FYN: variants seen among roughly 807,000 people sequenced by gnomAD.
The protein encoded by FYN is FYN proto-oncogene, Src family tyrosine kinase, also known as tyrosine-protein kinase Fyn.
Under a neutral mutation model 70.2 loss-of-function variants are expected in FYN, and 10 were observed. The observed-to-expected ratio is 0.14, with a 90% confidence interval of 0.09 to 0.24. FYN has a LOEUF of 0.24. Among genes scored for constraint, FYN ranks in the 10% least tolerant of loss-of-function variants. The probability of loss-of-function intolerance (pLI) is 1.00; values close to 1 mark genes in which losing one functional copy is unlikely to be tolerated. For missense variants in FYN, 319 were observed against 673.1 expected, an observed-to-expected ratio of 0.47 and a Z score of 5.82; for synonymous variants, 236 against 248.6, an observed-to-expected ratio of 0.95 and a Z score of 0.48.
chr6:111,814,962 G>A (rs1402865807), intron 2 of FYN, among the ~76,000 whole-genome samples: 1 of 152,174 alleles, frequency 6.6e-6, no homozygotes, highest in Non-Finnish European at 1.5e-5. Flanking sequence ...GTAAGCTGGT[G>A]AATTCACAGT....
intron 10 of FYN, among the ~76,000 whole-genome samples, chr6:111,695,993 A>C (rs907303434): frequency 6.6e-6 from 1 of 152,244 alleles, no homozygotes; most frequent in African/African-American, 2.4e-5. Flanking sequence ...TACCACCCTG[A>C]TATTAAAAAT....
At chr6:111,676,327 C>T (rs1372850283) in intron 12 of FYN, 2 of 152,130 alleles carry the variant, frequency 1.3e-5, no homozygotes, top group African/African-American at 4.8e-5. Flanking sequence ...AACACTGGAG[C>T]AGAAAAGTTA....
intron 13 of FYN, among the ~76,000 whole-genome samples, chr6:111,666,590 C>T (rs894881902): frequency 6.6e-6 from 1 of 152,134 alleles, no homozygotes; most frequent in Non-Finnish European, 1.5e-5. Context: ...TCCAGCACTT[C>T]GGGAAGCTGA....
At chr6:111,841,113 G>C (rs111388038) in intron 2 of FYN, among the ~76,000 whole-genome samples, 9 of 152,202 alleles carry the variant, frequency 5.9e-5, no homozygotes, top group African/African-American at 2.2e-4. Context: ...CCCCAAGTCT[G>C]GGAACCAGCA....
At chr6:111,691,667 T>G (rs1329884214) in intron 12 of FYN, among the ~76,000 whole-genome samples, 1 of 152,122 alleles carries the variant, frequency 6.6e-6, no homozygotes, top group African/African-American at 2.4e-5. Context: ...GTTGTCCCAG[T>G]GCTGGAAAAG....
chr6:111,776,201 AC>A (rs1302877671), intron 3 of FYN, among the ~76,000 whole-genome samples: 1 of 152,136 alleles, frequency 6.6e-6, no homozygotes, highest in African/African-American at 2.4e-5. Context: ...GCAGATACCT[AC>A]CCTGGGTCAC....
chr6:111,871,763 G>T (rs1774281249), intron 1 of FYN, among the ~76,000 whole-genome samples: 1 of 152,222 alleles, frequency 6.6e-6, no homozygotes, highest in Non-Finnish European at 1.5e-5. Context: ...ACGAGGGGAT[G>T]GGGAGGCTAC....
In FYN at chr6:111,694,658, T is replaced by C. The variant is rs746940763; in HGVS notation, c.1089A>G (p.Lys363=). Residue 363 remains lysine, a synonymous_variant, in exon 11 of 14, where the codon AAA becomes AAG. Transcript: ENST00000354650. This position sits in a 1 kb window ranked among gnomAD's most constrained non-coding sequence, Gnocchi z 5.0. ...CTGCCATGTCCACAAGATTTGGTAA[T>C]TTCAGAGCTCTTCCTTCTCCATCTT... ...FLKDGEGRAL[K]LPNLVDMAAQ... is the part of the protein sequence containing the mutation. 7 of 1,614,066 alleles carry C rather than the reference T, an allele frequency of 4.3e-6. No homozygotes were observed. The South Asian group carries it at 7.7e-5, about 18-fold the overall frequency.
At chr6:111,701,867 T>C (rs1799855321) in intron 8 of FYN, among the ~76,000 whole-genome samples, 1 of 152,230 alleles carries the variant, frequency 6.6e-6, no homozygotes, top group Admixed American at 6.5e-5. Context: ...GCAAGTGCTG[T>C]TAATATTTTC....
chr6:111,745,675 G>A (rs1802176569), intron 3 of FYN, among the ~76,000 whole-genome samples: 1 of 152,218 alleles, frequency 6.6e-6, no homozygotes, highest in Admixed American at 6.5e-5. Context: ...CAGAAACAGT[G>A]CTTAACAACA....
intron 3 of FYN, among the ~76,000 whole-genome samples, chr6:111,765,378 G>T (rs1045894101): frequency 3.9e-5 from 6 of 152,106 alleles, no homozygotes; most frequent in Admixed American, 2.0e-4. Context: ...AGACAGCAGG[G>T]GAACTTGCAG....
At chr6:111,861,923 C>G (rs1773975656) in intron 1 of FYN, among the ~76,000 whole-genome samples, 1 of 152,172 alleles carries the variant, frequency 6.6e-6, no homozygotes, top group African/African-American at 2.4e-5. Context: ...GGGACAGAAC[C>G]CTCTTCCTAT....
At chr6:111,687,442 A>G (rs567746350) in intron 12 of FYN, among the ~76,000 whole-genome samples, 2 of 152,164 alleles carry the variant, frequency 1.3e-5, no homozygotes, top group Non-Finnish European at 2.9e-5. Flanking sequence ...CATTTGTTTC[A>G]TTAATTTTGA....
chr6:111,807,079 G>A (rs181052802), intron 2 of FYN, among the ~76,000 whole-genome samples: 2 of 152,204 alleles, frequency 1.3e-5, no homozygotes, highest in Admixed American at 1.3e-4. Flanking sequence ...GCTGCGCTGT[G>A]TGTGACAGGG....
intron 2 of FYN, among the ~76,000 whole-genome samples, chr6:111,781,343 C>T (rs1246040819): frequency 6.6e-6 from 1 of 152,160 alleles, no homozygotes; most frequent in Admixed American, 6.5e-5. Context: ...TTGCTTCTCC[C>T]TATTCTCATC....
chr6:111,839,687 T>C (rs939682541), intron 2 of FYN, among the ~76,000 whole-genome samples: 16 of 152,120 alleles, frequency 1.1e-4, no homozygotes, highest in African/African-American at 3.1e-4. Context: ...CACCAGCTAA[T>C]GCAAGAAAGT....
chr6:111,669,438 CAAAAAAAAAA>C (rs10690295), intron 13 of FYN, among the ~76,000 whole-genome samples: 50 of 56,858 alleles, frequency 8.8e-4, no homozygotes, highest in African/African-American at 2.7e-3. Context: ...CCATCCATCT[CAAAAAAAAAA>C]AAAAAAAAAA....
chr6:111,748,988 C>T (rs1476066008), intron 3 of FYN, among the ~76,000 whole-genome samples: 3 of 152,172 alleles, frequency 2.0e-5, no homozygotes, highest in Non-Finnish European at 2.9e-5. Context: ...AAACCAACTG[C>T]ACTGCAATAT....
At chr6:111,850,284 T>C (rs1773648180) in intron 1 of FYN, among the ~76,000 whole-genome samples, 1 of 152,260 alleles carries the variant, frequency 6.6e-6, no homozygotes, top group African/African-American at 2.4e-5. Flanking sequence ...TCCCTTGCCA[T>C]GGTGTCTTCT....
Sources: gnomAD v4.1 joint callset for allele counts (sites outside exome capture counted in the v4.1 genomes callset) on GRCh38, gnomAD v4.1.1 for gene constraint, Gnocchi (gnomAD v3.1) non-coding constraint, MANE v1.5 for transcripts, NCBI Gene and HGNC (gene_info 2026-07-23, HGNC 2026-07-21) for gene names.